SEMA3C: variants seen among roughly 807,000 people sequenced by gnomAD.
SEMA3C encodes semaphorin 3C.
SEMA3C carries 47 observed loss-of-function variants against 89.4 expected under a neutral mutation model. That is an observed-to-expected ratio of 0.53 (90% confidence interval 0.42 to 0.67). SEMA3C has a LOEUF of 0.67. Among genes scored for constraint, SEMA3C ranks in the 30% least tolerant of loss-of-function variants. The pLI is 0.00. For missense variants in SEMA3C, 839 were observed against 929.1 expected, an observed-to-expected ratio of 0.90 and a Z score of 1.26; for synonymous variants, 310 against 320.2, an observed-to-expected ratio of 0.97 and a Z score of 0.34.
At chr7:80,767,411 T>C (rs1327595107) in intron 12 of SEMA3C, among the ~76,000 whole-genome samples, 1 of 152,172 alleles carries the variant, frequency 6.6e-6, no homozygotes, top group East Asian at 1.9e-4. Context: ...CAGGAAATAA[T>C]ATTTATGTCA....
chr7:80,897,094 T>G (rs117335175), intron 2 of SEMA3C, among the ~76,000 whole-genome samples: 186 of 152,322 alleles, frequency 1.2e-3, no homozygotes, highest in Non-Finnish European at 2.2e-3. Context: ...GCACACATTT[T>G]TGGAATGTTA....
intron 13 of SEMA3C, 21 bp from the exon 14 acceptor site, chr7:80,761,678 A>G: frequency 7.8e-7 from 1 of 1,282,334 alleles, no homozygotes; most frequent in Non-Finnish European, 1.1e-6. Context: ...AGAAAACAAC[A>G]TGTTAGTTGC....
At chr7:80,761,389 A>G (rs1019438226) in intron 14 of SEMA3C, among the ~76,000 whole-genome samples, 1 of 152,182 alleles carries the variant, frequency 6.6e-6, no homozygotes, top group East Asian at 1.9e-4. Context: ...CTTGCTGTAT[A>G]TATGTTCTGC....
rs373609164 is a variant in SEMA3C, at chr7:80,790,502, C to A, written c.1132-974G>T. Among the ~76,000 whole-genome samples the A allele has an allele frequency of 9.2e-5, 14 of 152,296 alleles. No homozygotes were observed. In the East Asian group the frequency reaches 2.3e-3, roughly 25 times the overall value. On this transcript the variant is annotated intron_variant, in intron 11 of 17. Transcript: ENST00000265361. Reference sequence around the variant, plus strand: ...CCTTAGAATGGCCTACAGGCCTCTGCATGATCTGGCCTGAGCCAGCCCCTC... The same window carrying A: ...CCTTAGAATGGCCTACAGGCCTCTGAATGATCTGGCCTGAGCCAGCCCCTC...
At chr7:80,791,403 C>G (rs1056653668) in intron 11 of SEMA3C, among the ~76,000 whole-genome samples, 2 of 152,140 alleles carry the variant, frequency 1.3e-5, no homozygotes, top group African/African-American at 2.4e-5. Context: ...ATCTCTACTT[C>G]CAGAAACAAA....
At chr7:80,810,515 T>G in intron 6 of SEMA3C, 96 bp downstream of exon 6, 1 of 852,450 alleles carries the variant, frequency 1.2e-6, no homozygotes, top group Non-Finnish European at 1.9e-6. Context: ...ACTCACATAC[T>G]ATCATCCACA....
chr7:80,914,679 GAGA>G (rs1205648882), intron 2 of SEMA3C, among the ~76,000 whole-genome samples: 25 of 152,098 alleles, frequency 1.6e-4, no homozygotes, highest in African/African-American at 4.1e-4. Context: ...TAATACACCT[GAGA>G]AGAACAAAAT....
intron 12 of SEMA3C, among the ~76,000 whole-genome samples, chr7:80,784,476 G>C (rs1396072282): frequency 6.6e-6 from 1 of 151,320 alleles, no homozygotes; most frequent in Admixed American, 6.6e-5. Flanking sequence ...TTTTACTCAA[G>C]ATAAAAGAAG....
intron 3 of SEMA3C, among the ~76,000 whole-genome samples, chr7:80,828,307 C>G (rs1789923592): frequency 6.6e-6 from 1 of 152,030 alleles, no homozygotes. Context: ...CTTTCATGCA[C>G]TACCCTATAA....
At chr7:80,905,623 C>G (rs1046256414) in intron 2 of SEMA3C, among the ~76,000 whole-genome samples, 5 of 152,138 alleles carry the variant, frequency 3.3e-5, no homozygotes, top group Non-Finnish European at 7.3e-5. Flanking sequence ...ATTCCCCTCT[C>G]CATTCAGTTT....
intron 2 of SEMA3C, among the ~76,000 whole-genome samples, chr7:80,836,402 G>A (rs531181753): frequency 6.6e-6 from 1 of 152,322 alleles, no homozygotes; most frequent in Admixed American, 6.5e-5. Flanking sequence ...GCAGTGCTGG[G>A]CGCGGTGGCT....
chr7:80,751,018 A>G (rs1198312571), intron 16 of SEMA3C, among the ~76,000 whole-genome samples: 1 of 152,198 alleles, frequency 6.6e-6, no homozygotes, highest in Non-Finnish European at 1.5e-5. Flanking sequence ...TGTAATTACG[A>G]TCTGCGAGAA....
chr7:80,844,521 G>T (rs942637124), intron 2 of SEMA3C, among the ~76,000 whole-genome samples: 7 of 151,954 alleles, frequency 4.6e-5, no homozygotes, highest in African/African-American at 1.7e-4. Flanking sequence ...TAAAATGGGG[G>T]TAATGATATT....
intron 2 of SEMA3C, among the ~76,000 whole-genome samples, chr7:80,905,337 A>G (rs1234435086): frequency 2.3e-5 from 3 of 129,114 alleles, no homozygotes; most frequent in East Asian, 4.7e-4. Context: ...GGAGGGGTGG[A>G]GAGAGAGAGA....
At chr7:80,840,783 T>C (rs1790248182) in intron 2 of SEMA3C, among the ~76,000 whole-genome samples, 1 of 152,086 alleles carries the variant, frequency 6.6e-6, no homozygotes, top group Non-Finnish European at 1.5e-5. Flanking sequence ...CAATAAATAT[T>C]AACTAAGCCA....
intron 2 of SEMA3C, among the ~76,000 whole-genome samples, chr7:80,908,813 G>A (rs554885479): frequency 6.6e-6 from 1 of 152,098 alleles, no homozygotes; most frequent in Admixed American, 6.6e-5. Context: ...ACTAAAAGCT[G>A]TCACTATATA....
At chr7:80,892,950 T>C (rs995701735) in intron 2 of SEMA3C, among the ~76,000 whole-genome samples, 1 of 152,190 alleles carries the variant, frequency 6.6e-6, no homozygotes, top group Non-Finnish European at 1.5e-5. Flanking sequence ...TCTTATTCTT[T>C]CTTCATTGAT....
intron 2 of SEMA3C, among the ~76,000 whole-genome samples, chr7:80,853,962 T>C (rs768124695): frequency 1.9e-4 from 29 of 150,856 alleles, no homozygotes; most frequent in Non-Finnish European, 1.5e-4. Flanking sequence ...ATAAAAAAAA[T>C]GTAAAAAGGA....
chr7:80,818,252 C>T lies in SEMA3C; in HGVS notation c.447+47G>A, dbSNP rs1474551501. The T allele has an allele frequency of 3.3e-6, 5 of 1,510,906 alleles. No individual in the cohort carries two copies. In the Admixed American group the frequency reaches 9.2e-5, roughly 28 times the overall value. The allele number at this position is 1,510,906 out of a possible 1,614,324, so 93.6% of individuals were successfully genotyped here. A position where few individuals can be genotyped will look rare whatever the true frequency, so the allele number is the denominator to read the frequency against. On this transcript the variant is annotated intron_variant, in intron 5 of 17. Coordinates refer to ENST00000265361, the MANE Select transcript of SEMA3C (RefSeq NM_006379.5). ...TACTCTAAAATACAGTTTCAAAAAT[C>T]CTTGACACTAATATCAAAACTAAGA...
Sources: gnomAD v4.1 joint callset for allele counts (sites outside exome capture counted in the v4.1 genomes callset) on GRCh38, gnomAD v4.1.1 for gene constraint, MANE v1.5 for transcripts, NCBI Gene and HGNC (gene_info 2026-07-23, HGNC 2026-07-21) for gene names.